Variants in ADAM32 observed in about 807,000 individuals in gnomAD.
ADAM32 encodes disintegrin and metalloproteinase domain-containing protein 32.
Under a neutral mutation model 114.9 loss-of-function variants are expected in ADAM32, and 89 were observed. That is an observed-to-expected ratio of 0.77 (90% CI 0.65 to 0.92). The LOEUF is 0.92. Ranked by LOEUF, ADAM32 falls within the 40% of genes least tolerant of loss-of-function variation. The pLI, the probability that ADAM32 is intolerant of heterozygous loss-of-function variation, is 0.00. For missense variants in ADAM32, 870 were observed against 932.8 expected (o/e 0.93, Z 0.88); for synonymous variants, 285 against 307.5 (o/e 0.93, Z 0.77).
chr8:39,119,927 G>T (rs1205256631), intron 2 of ADAM32, among the ~76,000 whole-genome samples: 1 of 152,122 alleles, frequency 6.6e-6, no homozygotes, highest in African/African-American at 2.4e-5. Context: ...CAAGGGTAGG[G>T]CTTTAATTAA....
In ADAM32 at chr8:39,142,318, C is replaced by T. The variant is rs564768155; in HGVS notation, c.201-4812C>T. On this transcript the variant is annotated intron_variant, in intron 3 of 24. Transcript: ENST00000379907. Reference sequence around the variant, plus strand: ...GGCATTGATGGTGTTTACCATTTGGCATGTTTTTGCAGTGGTTGGTACCGG... The same window carrying T: ...GGCATTGATGGTGTTTACCATTTGGTATGTTTTTGCAGTGGTTGGTACCGG... 3.3e-5 allele frequency among the ~76,000 whole-genome samples: 5 copies of T among 152,272 alleles called. No individual in the cohort carries two copies. The South Asian group carries it at 1.0e-3, about 32-fold the overall frequency.
intron 12 of ADAM32, among the ~76,000 whole-genome samples, chr8:39,219,855 G>A (rs191452717): frequency 6.6e-5 from 10 of 152,286 alleles, no homozygotes; most frequent in Admixed American, 5.9e-4. Flanking sequence ...CTTGGTTTAT[G>A]GTTGAGCATG....
At chr8:39,117,551 G>T (rs759786201) in intron 1 of ADAM32, among the ~76,000 whole-genome samples, 1 of 151,632 alleles carries the variant, frequency 6.6e-6, no homozygotes, top group Non-Finnish European at 1.5e-5. Flanking sequence ...TTTTCTTAAA[G>T]TTCTTTTTTA....
chr8:39,180,703 G>A (rs924307794), intron 10 of ADAM32, among the ~76,000 whole-genome samples: 15 of 149,484 alleles, frequency 1.0e-4, no homozygotes, highest in South Asian at 4.3e-4. Flanking sequence ...TCAGCACCCT[G>A]TGTCTAGCTC....
At chr8:39,137,988 G>A (rs1267850715) in intron 3 of ADAM32, among the ~76,000 whole-genome samples, 1 of 152,156 alleles carries the variant, frequency 6.6e-6, no homozygotes, top group Non-Finnish European at 1.5e-5. Flanking sequence ...GAGAAATTGA[G>A]AGACCAGAGC....
At chr8:39,276,329 A>T (rs1813068211) in intron 22 of ADAM32, 1 of 152,800 alleles carries the variant, frequency 6.5e-6, no homozygotes, top group Admixed American at 6.5e-5. Context: ...AGGAACAAAA[A>T]TTCCACATCT....
chr8:39,270,326 A>G (rs2129451275), intron 19 of ADAM32, among the ~76,000 whole-genome samples: 1 of 152,150 alleles, frequency 6.6e-6, no homozygotes, highest in South Asian at 2.1e-4. Flanking sequence ...TTTTCTCTCT[A>G]TTTATGCATA....
intron 6 of ADAM32, among the ~76,000 whole-genome samples, chr8:39,152,038 G>A (rs1803867881): frequency 6.6e-6 from 1 of 151,728 alleles, no homozygotes; most frequent in Non-Finnish European, 1.5e-5. Context: ...TTCTTATTTT[G>A]CTTGTTACAT....
At chr8:39,248,440 TG>T (rs1427779514) in intron 17 of ADAM32, among the ~76,000 whole-genome samples, 4 of 152,230 alleles carry the variant, frequency 2.6e-5, no homozygotes, top group Middle Eastern at 3.4e-3. Context: ...CTTCATTTTT[TG>T]GGGGGGCTAA....
At position 39,276,728 on chromosome 8, in the gene ADAM32, C is replaced by T. The variant is rs553429385; in HGVS notation, c.2279+862C>T. Among the ~76,000 whole-genome samples the T allele has an allele frequency of 5.9e-5, 9 of 152,182 alleles. No homozygotes were observed. In the South Asian group the frequency reaches 8.3e-4, roughly 14 times the overall value. On this transcript the variant is annotated intron_variant, in intron 22 of 24. Coordinates refer to ENST00000379907, the MANE Select transcript of ADAM32 (RefSeq NM_145004.7). ...CATTATTTTTTTCCTTACAGTGGCACGTTGGAGTCATGAGTTTATCTTTAA... is the reference window on the plus strand; with the variant it reads ...CATTATTTTTTTCCTTACAGTGGCATGTTGGAGTCATGAGTTTATCTTTAA...
intron 11 of ADAM32, among the ~76,000 whole-genome samples, chr8:39,194,642 C>A (rs2129447527): frequency 6.6e-6 from 1 of 152,220 alleles, no homozygotes; most frequent in East Asian, 1.9e-4. Context: ...TAGGAGGTAT[C>A]CTCCCTGGGC....
chr8:39,182,782 T>C (rs1174967218), intron 10 of ADAM32, among the ~76,000 whole-genome samples: 1 of 152,234 alleles, frequency 6.6e-6, no homozygotes, highest in Non-Finnish European at 1.5e-5. Context: ...TTCCTGATTT[T>C]TCGTAATCCT....
At chr8:39,283,411 T>TA (rs375766985) in intron 23 of ADAM32, among the ~76,000 whole-genome samples, 175 bp from the exon 24 acceptor site, 1,546 of 57,252 alleles carry the variant, frequency 0.027, 51 homozygotes, top group African/African-American at 0.075. Flanking sequence ...ACTCCATCTC[T>TA]AAAAAAAAAA....
At chr8:39,214,182 C>T (rs974901956) in intron 12 of ADAM32, among the ~76,000 whole-genome samples, 1 of 152,008 alleles carries the variant, frequency 6.6e-6, no homozygotes, top group Non-Finnish European at 1.5e-5. Context: ...TAATGATTTC[C>T]ATTCTTTTGG....
intron 1 of ADAM32, among the ~76,000 whole-genome samples, chr8:39,110,543 A>C (rs150070064): frequency 6.6e-6 from 1 of 152,204 alleles, no homozygotes; most frequent in African/African-American, 2.4e-5. Context: ...TTTTCAACTC[A>C]TTTGGGTAAA....
chr8:39,154,761 G>T (rs182472084), intron 6 of ADAM32, among the ~76,000 whole-genome samples: 1 of 151,974 alleles, frequency 6.6e-6, no homozygotes, highest in African/African-American at 2.4e-5. Context: ...ATCTCATTGT[G>T]GTTTTGATTT....
intron 10 of ADAM32, among the ~76,000 whole-genome samples, 173 bp downstream of exon 10, chr8:39,170,170 T>A (rs1454409353): frequency 2.0e-5 from 3 of 152,154 alleles, no homozygotes; most frequent in African/African-American, 4.8e-5. Context: ...TAGATCAATA[T>A]CTTGTTGCAA....
intron 9 of ADAM32, chr8:39,167,637 T>C (rs1327160685): frequency 1.3e-5 from 2 of 151,944 alleles, no homozygotes; most frequent in Non-Finnish European, 2.9e-5. Context: ...TTTGGCAATA[T>C]CATTTTCACA....
Position 39,223,128 on chromosome 8 carries a change from G to T in ADAM32, c.1415G>T (p.Gly472Val). 2 of 1,597,994 alleles carry T rather than the reference G, an allele frequency of 1.3e-6. No homozygotes were observed. The highest frequency in any genetic ancestry group is 1.7e-6 in the Non-Finnish European group (2 of 1,172,312). ...TGTAATGGAACCTCACCAGAATGTG[G>T]TCCTGACATAACTTTAATCAATGGA... ...ENCNGTSPEC[G>V]PDITLINGLS... Residue 472 changes from glycine to valine, a missense_variant, in exon 14 of 25, where the codon GGT (glycine) becomes GTT (valine). Physicochemically the swap from Gly to Val is moderately radical, Grantham distance 109. Coordinates refer to ENST00000379907, the MANE Select transcript of ADAM32 (RefSeq NM_145004.7).
Sources: gnomAD v4.1 joint callset for allele counts (sites outside exome capture counted in the v4.1 genomes callset) on GRCh38, gnomAD v4.1.1 for gene constraint, MANE v1.5 for transcripts, NCBI Gene and HGNC (gene_info 2026-07-23, HGNC 2026-07-21) for gene names.